The following NRG3 variants were observed in gnomAD, a reference collection of about 807,000 sequenced individuals.
NRG3 encodes neuregulin 3.
NRG3 carries 31 observed loss-of-function variants against 66.9 expected under a neutral mutation model. The ratio of observed to expected loss-of-function variants is 0.46; its 90% CI spans 0.35 to 0.63. The LOEUF is 0.63. Among genes scored for constraint, NRG3 ranks in the 20% least tolerant of loss-of-function variants. The pLI is 0.00. For synonymous variants in NRG3, 393 were observed against 359.4 expected (o/e 1.09, Z -1.06); for missense variants, 910 against 878.9 (o/e 1.04, Z -0.45).
At chr10:81,959,521 A>G (rs1176092071) in intron 1 of NRG3, among the ~76,000 whole-genome samples, 1 of 152,014 alleles carries the variant, frequency 6.6e-6, no homozygotes, top group Non-Finnish European at 1.5e-5. Flanking sequence ...GTATCTTATT[A>G]CAGATTGTAT....
At chr10:82,749,821 A>G (rs973376235) in intron 3 of NRG3, among the ~76,000 whole-genome samples, 18 of 151,522 alleles carry the variant, frequency 1.2e-4, no homozygotes, top group African/African-American at 4.4e-4. Flanking sequence ...AAATGGGGCC[A>G]AGACTACCCG....
At chr10:82,888,590 C>T (rs1159606064) in intron 4 of NRG3, among the ~76,000 whole-genome samples, 1 of 152,102 alleles carries the variant, frequency 6.6e-6, no homozygotes, top group Non-Finnish European at 1.5e-5. Context: ...AGCGTATGAG[C>T]ACTTACTGTA....
At chr10:82,174,293 A>G (rs1564632194) in intron 1 of NRG3, among the ~76,000 whole-genome samples, 1 of 151,912 alleles carries the variant, frequency 6.6e-6, no homozygotes, top group African/African-American at 2.4e-5. Context: ...TTTATCTTTT[A>G]TCCTCTATCC....
intron 2 of NRG3, among the ~76,000 whole-genome samples, chr10:82,556,459 G>A (rs1236231267): frequency 6.6e-6 from 1 of 152,106 alleles, no homozygotes; most frequent in Non-Finnish European, 1.5e-5. Context: ...CTGTAAGCAT[G>A]GGTATAGTGT....
chr10:82,306,320 A>T (rs2080721333), intron 1 of NRG3, among the ~76,000 whole-genome samples: 1 of 152,168 alleles, frequency 6.6e-6, no homozygotes, highest in African/African-American at 2.4e-5. Flanking sequence ...TACTGGAACG[A>T]CTATTAATAA....
At position 81,996,937 on chromosome 10, in the gene NRG3, GA is replaced by G. The variant is rs552721770; in HGVS notation, c.823+120783del. ...CATAAATGTCTCATAGGCATGATTT[GA>G]AAAAAAAATAATTTGTTATTATTCT... On this transcript the variant is annotated intron_variant, in intron 1 of 8. Coordinates refer to ENST00000372141, the MANE Select transcript of NRG3 (RefSeq NM_001010848.4). Among the ~76,000 whole-genome samples, 869 of 150,006 alleles carry G rather than the reference GA, an allele frequency of 5.8e-3. 7 individuals carry two copies. The highest frequency in any genetic ancestry group is 0.02 in the African/African-American group (800 of 40,940).
intron 1 of NRG3, among the ~76,000 whole-genome samples, chr10:82,021,847 G>T (rs2062078086): frequency 6.7e-6 from 1 of 148,610 alleles, no homozygotes; most frequent in African/African-American, 2.5e-5. Context: ...TTGATTTAGG[G>T]TTAAGTCTTC....
intron 2 of NRG3, among the ~76,000 whole-genome samples, chr10:82,499,033 C>T (rs1843890163): frequency 6.6e-6 from 1 of 151,976 alleles, no homozygotes; most frequent in African/African-American, 2.4e-5. Flanking sequence ...TAGCAGGAAC[C>T]AAAGCCCATT....
rs561358123 is a variant in NRG3, at chr10:82,026,463, G to A, written c.823+150300G>A. On this transcript the variant is annotated intron_variant, in intron 1 of 8. Coordinates refer to ENST00000372141, the MANE Select transcript of NRG3 (RefSeq NM_001010848.4). ...CAGGTTTATCTTGCTTCTGATACGT[G>A]TTACTGATGATGTTTCGGGAATTGC... is the stretch of plus-strand genomic sequence containing the variant. Among the ~76,000 whole-genome samples the A allele has an allele frequency of 2.6e-5, 4 of 152,166 alleles. No homozygotes were observed. The East Asian group carries it at 7.7e-4, about 29-fold the overall frequency.
intron 2 of NRG3, among the ~76,000 whole-genome samples, chr10:82,380,911 G>A (rs2085574023): frequency 6.6e-6 from 1 of 152,026 alleles, no homozygotes; most frequent in African/African-American, 2.4e-5. Context: ...ATTAATAGTA[G>A]AATGGCAGCG....
At chr10:82,406,494 C>T (rs1310542617) in intron 2 of NRG3, among the ~76,000 whole-genome samples, 2 of 152,144 alleles carry the variant, frequency 1.3e-5, no homozygotes, top group Admixed American at 1.3e-4. Context: ...TTAATCATGT[C>T]TTCTCCTTCA....
intron 2 of NRG3, among the ~76,000 whole-genome samples, chr10:82,548,703 C>T (rs547762210): frequency 2.0e-5 from 3 of 151,772 alleles, no homozygotes; most frequent in South Asian, 2.1e-4. Context: ...ACATAGACAG[C>T]GTACAGTTCA....
intron 1 of NRG3, among the ~76,000 whole-genome samples, chr10:82,140,514 A>G (rs750601668): frequency 1.3e-5 from 2 of 152,190 alleles, no homozygotes; most frequent in African/African-American, 2.4e-5. Flanking sequence ...CATTTATTAA[A>G]TGAGTTTCCA....
At chr10:82,581,475 ATT>A (rs1187016923) in intron 2 of NRG3, among the ~76,000 whole-genome samples, 1 of 151,978 alleles carries the variant, frequency 6.6e-6, no homozygotes, top group South Asian at 2.1e-4. Context: ...TCCCACACCA[ATT>A]TTTTTCTTTC....
intron 3 of NRG3, among the ~76,000 whole-genome samples, chr10:82,795,080 G>A (rs1291711547): frequency 1.3e-5 from 2 of 152,218 alleles, no homozygotes; most frequent in Non-Finnish European, 2.9e-5. Flanking sequence ...AGATCTCTAT[G>A]TTAAGTGAGT....
At chr10:82,048,372 A>T (rs1824990991) in intron 1 of NRG3, among the ~76,000 whole-genome samples, 1 of 152,094 alleles carries the variant, frequency 6.6e-6, no homozygotes, top group East Asian at 1.9e-4. Context: ...CAGCAAACGT[A>T]AAAGAACAGA....
chr10:82,915,984 A>G (rs1845791564), intron 4 of NRG3, among the ~76,000 whole-genome samples: 1 of 152,188 alleles, frequency 6.6e-6, no homozygotes, highest in South Asian at 2.1e-4. Context: ...TTCTAGTGCT[A>G]GATCTCAGTA....
chr10:82,061,870 CAAA>C (rs2064170330), intron 1 of NRG3, among the ~76,000 whole-genome samples: 2 of 148,930 alleles, frequency 1.3e-5, no homozygotes, highest in Non-Finnish European at 3.0e-5. Context: ...CTCACACACA[CAAA>C]CACACACACA....
At chr10:82,199,050 T>G (rs1476898320) in intron 1 of NRG3, among the ~76,000 whole-genome samples, 1 of 148,752 alleles carries the variant, frequency 6.7e-6, no homozygotes, top group South Asian at 2.1e-4. Context: ...GCACCTGTAA[T>G]CCCAGCTACA....
Sources: gnomAD v4.1 joint callset for allele counts (sites outside exome capture counted in the v4.1 genomes callset) on GRCh38, gnomAD v4.1.1 for gene constraint, MANE v1.5 for transcripts, NCBI Gene and HGNC (gene_info 2026-07-23, HGNC 2026-07-21) for gene names.